The following MFHAS1 variants were observed in gnomAD, a reference collection of about 807,000 sequenced individuals.
MFHAS1 encodes the protein malignant fibrous histiocytoma-amplified sequence 1.
Under a neutral mutation model 70.4 loss-of-function variants are expected in MFHAS1, and 50 were observed. That is an observed-to-expected ratio of 0.71 (90% CI 0.57 to 0.90). MFHAS1 has a LOEUF of 0.90. Among genes scored for constraint, MFHAS1 ranks in the 40% least tolerant of loss-of-function variants. MFHAS1 has a pLI of 0.00. For synonymous variants in MFHAS1, 952 were observed against 620.0 expected, an observed-to-expected ratio of 1.54 and a Z score of -7.96; for missense variants, 1,795 against 1,347.6, an observed-to-expected ratio of 1.33 and a Z score of -5.20.
At chr8:8,877,873 G>T (rs2116922440) in intron 1 of MFHAS1, among the ~76,000 whole-genome samples, 1 of 152,276 alleles carries the variant, frequency 6.6e-6, no homozygotes, top group South Asian at 2.1e-4. Context: ...TTTAAACAAA[G>T]AAGTCTCTCC....
intron 2 of MFHAS1, among the ~76,000 whole-genome samples, chr8:8,789,572 A>G (rs114184516): frequency 0.29 from 43,788 of 151,972 alleles, 6,877 homozygotes; most frequent in African/African-American, 0.39. Context: ...GTACCGAGAC[A>G]CTTAGGCTGA....
At chr8:8,861,935 T>G (rs1563209001) in intron 1 of MFHAS1, among the ~76,000 whole-genome samples, 1 of 152,230 alleles carries the variant, frequency 6.6e-6, no homozygotes, top group East Asian at 1.9e-4. Context: ...ACAATGTGTT[T>G]ATCTGTGCAC....
rs1376653607 is a variant in MFHAS1, at chr8:8,875,377, G to C, written c.2998+14684C>G. Among the ~76,000 whole-genome samples the C allele has an allele frequency of 2.0e-5, 3 of 152,140 alleles. No individual in the cohort carries two copies. In the East Asian group the frequency reaches 5.8e-4, roughly 29 times the overall value. ...ATCACCTTGATGTACTATTATGCAAGCATTTTTAATTACTGTATAAATACT... is the reference window on the plus strand; with the variant it reads ...ATCACCTTGATGTACTATTATGCAACCATTTTTAATTACTGTATAAATACT... On this transcript the variant is annotated intron_variant, in intron 1 of 2. Transcript: ENST00000276282.
Position 8,890,857 on chromosome 8 carries a change from G to T in MFHAS1, c.2202C>A (p.Ile734=). The T allele has an allele frequency of 1.2e-6, 2 of 1,614,158 alleles. No individual in the cohort carries two copies. Among genetic ancestry groups the T allele is most frequent in the Non-Finnish European group, 1.7e-6 (2 of 1,180,038 alleles). Residue 734 remains isoleucine, a synonymous_variant, in exon 1 of 3, where the codon ATC becomes ATA. Coordinates refer to ENST00000276282, the MANE Select transcript of MFHAS1 (RefSeq NM_004225.3). ...TCTGGAAGAAGACATTGAGGATGTC[G>T]ATGAGGCGGGTGAGGTTGTGGAAGA... ...EHVFHNLTRL[I]DILNVFFQRD... is the part of the protein sequence containing the mutation.
At chr8:8,831,800 G>T (rs534415576) in intron 1 of MFHAS1, among the ~76,000 whole-genome samples, 1 of 152,058 alleles carries the variant, frequency 6.6e-6, no homozygotes, top group South Asian at 2.1e-4. Context: ...GTAGAGACGG[G>T]TTTCACCATG....
At position 8,793,053 on chromosome 8, in the gene MFHAS1, G is replaced by T. The variant is rs759760743; in HGVS notation, c.3125+4312C>A. 4.7e-4 allele frequency among the ~76,000 whole-genome samples: 72 copies of T among 152,284 alleles called. 1 individual carries two copies. The highest frequency in any genetic ancestry group is 9.0e-4 in the Non-Finnish European group (61 of 68,040). On this transcript the variant is annotated intron_variant, in intron 2 of 2. Coordinates refer to ENST00000276282, the MANE Select transcript of MFHAS1 (RefSeq NM_004225.3). ...CTCAGCTCCTGTTTCTCCCTGGAGG[G>T]TGAGGTGCAGAAGGGGAGGCATTTC...
At chr8:8,871,531 C>T (rs1461192406) in intron 1 of MFHAS1, among the ~76,000 whole-genome samples, 1 of 152,224 alleles carries the variant, frequency 6.6e-6, no homozygotes, top group South Asian at 2.1e-4. Flanking sequence ...GCCTGGGCAA[C>T]AGAGTGATCA....
At chr8:8,818,564 C>A (rs906767681) in intron 1 of MFHAS1, among the ~76,000 whole-genome samples, 3 of 152,238 alleles carry the variant, frequency 2.0e-5, no homozygotes, top group African/African-American at 7.2e-5. Context: ...CTCATCTGTG[C>A]TCTGTGGATA....
At chr8:8,787,221 C>T (rs1316005366) in intron 2 of MFHAS1, among the ~76,000 whole-genome samples, 2 of 152,230 alleles carry the variant, frequency 1.3e-5, no homozygotes, top group East Asian at 1.9e-4. Context: ...GCTAGGACTA[C>T]ATGTGCCCGC....
At chr8:8,846,868 C>A (rs1409950987) in intron 1 of MFHAS1, among the ~76,000 whole-genome samples, 1 of 152,104 alleles carries the variant, frequency 6.6e-6, no homozygotes, top group Non-Finnish European at 1.5e-5. Flanking sequence ...GTATGTAAAA[C>A]CCATAAAAAC....
At chr8:8,839,922 A>C (rs1422465147) in intron 1 of MFHAS1, among the ~76,000 whole-genome samples, 1 of 152,210 alleles carries the variant, frequency 6.6e-6, no homozygotes, top group African/African-American at 2.4e-5. Flanking sequence ...TAGCAAGTCA[A>C]GATAAACACA....
At chr8:8,826,258 GTGT>G (rs1807158082) in intron 1 of MFHAS1, among the ~76,000 whole-genome samples, 2 of 151,414 alleles carry the variant, frequency 1.3e-5, no homozygotes, top group Non-Finnish European at 2.9e-5. Context: ...GTGTGTGTGT[GTGT>G]GTGTGTGTGT....
At chr8:8,882,485 G>C (rs749920527) in intron 1 of MFHAS1, among the ~76,000 whole-genome samples, 2 of 152,112 alleles carry the variant, frequency 1.3e-5, no homozygotes, top group African/African-American at 4.8e-5. Context: ...GGTGGCACAC[G>C]CCTGTAATCC....
intron 1 of MFHAS1, among the ~76,000 whole-genome samples, chr8:8,834,454 G>A (rs1585042476): frequency 6.6e-6 from 1 of 152,076 alleles, no homozygotes; most frequent in Non-Finnish European, 1.5e-5. Context: ...CCCTATACAA[G>A]TGCACCATTT....
At position 8,840,450 on chromosome 8, in the gene MFHAS1, C is replaced by CCAT. The variant is rs895273900; in HGVS notation, c.2999-42962_2999-42960dup. ...CTAGCCTGGGCCACAGAGTGAGACT[C>CCAT]CATCTCAATACAAAAAAAAAAAAAA... On this transcript the variant is annotated intron_variant, in intron 1 of 2. Coordinates refer to ENST00000276282, the MANE Select transcript of MFHAS1 (RefSeq NM_004225.3). Among the ~76,000 whole-genome samples the CCAT allele has an allele frequency of 6.4e-5, 9 of 140,884 alleles. No homozygotes were observed. The East Asian group carries it at 8.0e-4, about 12-fold the overall frequency. 92.4% of individuals were successfully genotyped at this position (140,884 alleles called of 152,430 possible). A position where few individuals can be genotyped will look rare whatever the true frequency, so the allele number is the denominator to read the frequency against.
chr8:8,847,275 A>G (rs540461634), intron 1 of MFHAS1, among the ~76,000 whole-genome samples: 66 of 152,214 alleles, frequency 4.3e-4, no homozygotes, highest in African/African-American at 1.5e-3. Context: ...TCCACCTCCC[A>G]GGTTGAAGTG....
chr8:8,798,433 C>T (rs937792156), intron 1 of MFHAS1, among the ~76,000 whole-genome samples: 2 of 152,170 alleles, frequency 1.3e-5, no homozygotes, highest in African/African-American at 4.8e-5. Context: ...TCAGGTGATC[C>T]TCCCACCTCA....
At chr8:8,801,150 G>A (rs2117265108) in intron 1 of MFHAS1, among the ~76,000 whole-genome samples, 1 of 152,118 alleles carries the variant, frequency 6.6e-6, no homozygotes, top group African/African-American at 2.4e-5. Flanking sequence ...GGGAAGTGGA[G>A]GTTGCAGTGA....
intron 1 of MFHAS1, among the ~76,000 whole-genome samples, chr8:8,801,545 T>A (rs1806085084): frequency 6.6e-6 from 1 of 152,244 alleles, no homozygotes; most frequent in African/African-American, 2.4e-5. Context: ...AGTTCCTAGA[T>A]TAAGAACATA....
Sources: gnomAD v4.1 joint callset for allele counts (sites outside exome capture counted in the v4.1 genomes callset) on GRCh38, gnomAD v4.1.1 for gene constraint, MANE v1.5 for transcripts, NCBI Gene and HGNC (gene_info 2026-07-23, HGNC 2026-07-21) for gene names.